The following CCDC42 variants were observed in gnomAD, a reference collection of about 807,000 sequenced individuals.
CCDC42 encodes the protein coiled-coil domain containing 42.
A neutral mutation model predicts 40.8 loss-of-function variants in CCDC42; 38 were observed. That is an observed-to-expected ratio of 0.93 (90% CI 0.72 to 1.22). CCDC42 has a LOEUF of 1.22. Among genes scored for constraint, CCDC42 ranks in the 50% most tolerant of loss-of-function variants. The probability of loss-of-function intolerance (pLI) is 0.00; values close to 1 mark genes in which losing one functional copy is unlikely to be tolerated. For synonymous variants in CCDC42, 135 were observed against 157.5 expected (o/e 0.86, Z 1.07); for missense variants, 379 against 416.5 (o/e 0.91, Z 0.78).
In CCDC42 at chr17:8,744,604, A is replaced by T; in HGVS notation, c.6T>A (p.Ser2Arg). M[S>R]LGIMEEEDLA... is the part of the protein sequence containing the mutation. ...GGTCTTCCTCTTCCATGATGCCCAG[A>T]CTCATGGTGGCAGTGACCTCACGGC... Residue 2 changes from serine to arginine, a missense_variant, in exon 1 of 7, where the codon AGT becomes AGA. Physicochemically the swap from Ser to Arg is moderately radical, Grantham distance 110 (BLOSUM62 -1). Transcript: ENST00000293845. The T allele has an allele frequency of 6.2e-7, 1 of 1,611,154 alleles. No individual in the cohort carries two copies. The highest frequency in any genetic ancestry group is 8.5e-7 in the Non-Finnish European group (1 of 1,178,766).
chr17:8,743,198 T>C (rs1319020393), intron 3 of CCDC42, among the ~76,000 whole-genome samples: 1 of 152,160 alleles, frequency 6.6e-6, no homozygotes, highest in African/African-American at 2.4e-5. Context: ...TGGTGCCTGG[T>C]CCTTCAACCA....
Position 8,742,268 on chromosome 17 carries a change from C to T in CCDC42, c.295-597G>A, listed in dbSNP as rs149458840. ...AGCTGTGGAGATGGGAGGCAGGAGC[C>T]CCTCTCCCTTTCAGAAGCTGGGGCA... On this transcript the variant is annotated intron_variant, in intron 3 of 6. Coordinates refer to ENST00000293845, the MANE Select transcript of CCDC42 (RefSeq NM_144681.3). Among the ~76,000 whole-genome samples, 48 of 152,222 alleles carry T rather than the reference C, an allele frequency of 3.2e-4. 1 individual carries two copies. The highest frequency in any genetic ancestry group is 1.0e-3 in the African/African-American group (43 of 41,534).
Position 8,735,066 on chromosome 17 carries a change from A to C in CCDC42, c.873+30T>G. The stretch of plus-strand genomic sequence containing the variant: ...CAACCTCCTCGGCCCAGCCGACCCC[A>C]CGGGCCCAGTGCCTGTCCCCTCCTC... On this transcript the variant is annotated intron_variant, in intron 6 of 6. Transcript: ENST00000293845. The surrounding 1 kb of genome is among the most constrained non-coding windows in gnomAD (Gnocchi z 4.7). 1.2e-6 allele frequency: 2 copies of C among 1,612,336 alleles called. No individual in the cohort carries two copies. Among genetic ancestry groups the C allele is most frequent in the Non-Finnish European group, 1.7e-6 (2 of 1,178,840 alleles).
intron 4 of CCDC42, among the ~76,000 whole-genome samples, chr17:8,740,394 G>A (rs959034201): frequency 1.3e-5 from 2 of 151,390 alleles, no homozygotes; most frequent in African/African-American, 2.4e-5. Context: ...AGGCTGAGGC[G>A]GGAGAATCAC....
chr17:8,741,179 GATAC>G, intron 4 of CCDC42, among the ~76,000 whole-genome samples: 1 of 152,168 alleles, frequency 6.6e-6, no homozygotes, highest in East Asian at 1.9e-4. Flanking sequence ...ACTCATGCAA[GATAC>G]ATACACAGTT....
intron 6 of CCDC42, among the ~76,000 whole-genome samples, chr17:8,731,849 G>C (rs1345194034): frequency 6.6e-6 from 1 of 152,196 alleles, no homozygotes; most frequent in East Asian, 1.9e-4. Flanking sequence ...ACGAACCCTT[G>C]TGACATGAGT....
chr17:8,743,798 C>A (rs966175154), intron 2 of CCDC42, 68 bp from the exon 3 acceptor site: 2 of 942,292 alleles, frequency 2.1e-6, no homozygotes, highest in Non-Finnish European at 3.4e-6. Context: ...AGGAAGACCC[C>A]AGCATCCCTG....
intron 6 of CCDC42, among the ~76,000 whole-genome samples, chr17:8,730,710 G>A (rs1307284279): frequency 1.3e-5 from 2 of 152,190 alleles, no homozygotes; most frequent in African/African-American, 4.8e-5. Context: ...AGTGTTGGGT[G>A]TAGCCGATGA....
intron 4 of CCDC42, among the ~76,000 whole-genome samples, chr17:8,738,494 C>T (rs2086624401): frequency 7.0e-6 from 1 of 142,018 alleles, no homozygotes; most frequent in South Asian, 2.2e-4. Context: ...GAGACGGAGT[C>T]TAGCTCTGTC....
At chr17:8,739,590 T>G (rs1185155311) in intron 4 of CCDC42, among the ~76,000 whole-genome samples, 1 of 152,230 alleles carries the variant, frequency 6.6e-6, no homozygotes, top group Non-Finnish European at 1.5e-5. Flanking sequence ...TCGCCCAGGC[T>G]GGAGTGCAAT....
intron 4 of CCDC42, among the ~76,000 whole-genome samples, chr17:8,736,588 T>C (rs776334849): frequency 3.3e-5 from 5 of 152,216 alleles, no homozygotes; most frequent in Non-Finnish European, 7.3e-5. Flanking sequence ...CTCCATCTCG[T>C]GACATCTCCA....
intron 4 of CCDC42, among the ~76,000 whole-genome samples, chr17:8,737,023 AAAGAAGAGGG>A (rs767606176): frequency 1.4e-5 from 2 of 146,716 alleles, no homozygotes; most frequent in East Asian, 2.0e-4. Context: ...GAAAAAAAGA[AAAGAAGAGGG>A]AGGGAGGAAG....
chr17:8,731,954 G>A (rs1418811889), intron 6 of CCDC42, among the ~76,000 whole-genome samples: 1 of 151,936 alleles, frequency 6.6e-6, no homozygotes, highest in Admixed American at 6.6e-5. Context: ...CACGAGGTCA[G>A]GAGATCGAGA....
chr17:8,739,564 C>A (rs1030229846), intron 4 of CCDC42, among the ~76,000 whole-genome samples: 1 of 152,080 alleles, frequency 6.6e-6, no homozygotes, highest in Non-Finnish European at 1.5e-5. Context: ...GTTTTTGAGA[C>A]GGAGTTTCGC....
At chr17:8,742,529 A>G (rs2086651551) in intron 3 of CCDC42, among the ~76,000 whole-genome samples, 1 of 152,090 alleles carries the variant, frequency 6.6e-6, no homozygotes. Context: ...GGGCAAGCCC[A>G]CCCCTCGCCC....
At chr17:8,730,421 C>T (rs1189109255) in intron 6 of CCDC42, among the ~76,000 whole-genome samples, 1 of 152,176 alleles carries the variant, frequency 6.6e-6, no homozygotes. Context: ...CTCACTGCAA[C>T]CTCCGCTTCC....
intron 4 of CCDC42, among the ~76,000 whole-genome samples, chr17:8,736,745 AG>A (rs1178705995): frequency 6.6e-6 from 1 of 152,156 alleles, no homozygotes; most frequent in Admixed American, 6.5e-5. Flanking sequence ...ATGAGATGAG[AG>A]GTATATAAAT....
chr17:8,735,630 G>A lies in CCDC42; in HGVS notation c.493-19C>T. On this transcript the variant is annotated intron_variant, in intron 4 of 6. Transcript: ENST00000293845. This position sits in a 1 kb window ranked among gnomAD's most constrained non-coding sequence, Gnocchi z 4.7. Reference sequence around the variant, plus strand: ...CCTCGAACTGTGGTCAGGGGCTCAGGTCAATGCACAGCCAGCCCCTGGGGC... The same window carrying A: ...CCTCGAACTGTGGTCAGGGGCTCAGATCAATGCACAGCCAGCCCCTGGGGC... 2 of 1,604,650 alleles carry A rather than the reference G, an allele frequency of 1.2e-6. No homozygotes were observed. The highest frequency in any genetic ancestry group is 2.2e-5 in the South Asian group (2 of 90,520).
rs1466540814 is a variant in CCDC42 at position 8,729,942 on chromosome 17, G to A, written c.*188C>T. On this transcript the variant is annotated 3_prime_UTR_variant, in exon 7 of 7. Transcript: ENST00000293845. ...TACCAAAGGGCTAGAGAGAACTTGA[G>A]AACAAACTTCATATAACATTCACTG... The A allele has an allele frequency of 1.7e-6, 1 of 581,686 alleles. No individual in the cohort carries two copies. The highest frequency in any genetic ancestry group is 3.1e-5 in the East Asian group (1 of 32,032). 36.0% of individuals were successfully genotyped at this position (581,686 alleles called of 1,614,324 possible).
Sources: gnomAD v4.1 joint callset for allele counts (sites outside exome capture counted in the v4.1 genomes callset) on GRCh38, gnomAD v4.1.1 for gene constraint, Gnocchi (gnomAD v3.1) non-coding constraint, MANE v1.5 for transcripts, NCBI Gene and HGNC (gene_info 2026-07-23, HGNC 2026-07-21) for gene names.